CARNMT1: variants seen among roughly 807,000 people sequenced by gnomAD.
CARNMT1 encodes carnosine N-methyltransferase 1.
A neutral mutation model predicts 49.6 loss-of-function variants in CARNMT1; 28 were observed. The ratio of observed to expected loss-of-function variants is 0.56; its 90% CI spans 0.42 to 0.77. CARNMT1 has a LOEUF of 0.77. Among genes scored for constraint, CARNMT1 ranks in the 30% least tolerant of loss-of-function variants. CARNMT1 has a pLI of 0.00. For synonymous variants in CARNMT1, 178 were observed against 175.0 expected, an observed-to-expected ratio of 1.02 and a Z score of -0.13; for missense variants, 421 against 512.6, an observed-to-expected ratio of 0.82 and a Z score of 1.73.
At chr9:75,013,978 AG>A (rs1833772768) in intron 3 of CARNMT1, among the ~76,000 whole-genome samples, 1 of 148,882 alleles carries the variant, frequency 6.7e-6, no homozygotes. Flanking sequence ...GTCAAAAAAA[AG>A]AGAGAGAGAG....
chr9:74,988,091 T>C lies in CARNMT1; in HGVS notation c.1025-3081A>G, dbSNP rs1369581126. 1.3e-5 allele frequency among the ~76,000 whole-genome samples: 2 copies of C among 151,042 alleles called. 1 individual carries two copies. Among genetic ancestry groups the C allele is most frequent in the Admixed American group, 1.3e-4 (2 of 15,122 alleles). On this transcript the variant is annotated intron_variant, in intron 6 of 7. Coordinates refer to ENST00000376834, the MANE Select transcript of CARNMT1 (RefSeq NM_152420.3). ...CTTTTTTAATTTTTAATTATTTAAC[T>C]TTTTTTTTAGAGACAGTGTCTTGTT...
intron 6 of CARNMT1, among the ~76,000 whole-genome samples, chr9:74,993,542 GC>G (rs934758132): frequency 2.0e-5 from 3 of 152,086 alleles, no homozygotes; most frequent in African/African-American, 7.2e-5. Context: ...GAAGGCAGGG[GC>G]GTCCTTAAGG....
chr9:74,990,951 A>G (rs1004051160), intron 6 of CARNMT1, among the ~76,000 whole-genome samples: 6 of 152,210 alleles, frequency 3.9e-5, no homozygotes, highest in Admixed American at 1.3e-4. Flanking sequence ...AGACACACCT[A>G]AAACATAAAG....
chr9:75,027,244 A>C (rs1587318977), intron 1 of CARNMT1: 1 of 890,888 alleles, frequency 1.1e-6, no homozygotes, highest in Non-Finnish European at 1.6e-6. Context: ...GAAACGTGGA[A>C]GTTAGGGAGC....
chr9:75,007,512 T>C (rs1445770466), intron 3 of CARNMT1, among the ~76,000 whole-genome samples: 2 of 151,992 alleles, frequency 1.3e-5, no homozygotes, highest in African/African-American at 2.4e-5. Context: ...GTGGATCAAT[T>C]GAGGTCAAGA....
chr9:75,000,294 A>G (rs1833316099), intron 3 of CARNMT1, among the ~76,000 whole-genome samples: 1 of 152,160 alleles, frequency 6.6e-6, no homozygotes, highest in South Asian at 2.1e-4. Flanking sequence ...TTTATATGTA[A>G]CTCAATTGTT....
chr9:75,026,426 T>C (rs1462317741), intron 1 of CARNMT1, among the ~76,000 whole-genome samples: 3 of 152,244 alleles, frequency 2.0e-5, no homozygotes, highest in Admixed American at 6.5e-5. Flanking sequence ...ATATTCTTTC[T>C]AGATTTTTCA....
intron 3 of CARNMT1, chr9:75,009,834 A>C (rs1833630923): frequency 6.6e-6 from 1 of 152,218 alleles, no homozygotes. Context: ...GAAGCAAGAA[A>C]ATGTGGAACT....
chr9:75,005,675 G>C (rs942166498), intron 3 of CARNMT1, among the ~76,000 whole-genome samples: 7 of 151,616 alleles, frequency 4.6e-5, no homozygotes, highest in African/African-American at 1.2e-4. Context: ...GGGTTTCACC[G>C]TGTTAGCCAG....
chr9:75,008,666 T>G (rs1833593939), intron 3 of CARNMT1, among the ~76,000 whole-genome samples: 1 of 152,206 alleles, frequency 6.6e-6, no homozygotes, highest in African/African-American at 2.4e-5. Context: ...AAAACACTGC[T>G]GAGAGAAATT....
At chr9:75,005,530 T>C (rs1379332504) in intron 3 of CARNMT1, among the ~76,000 whole-genome samples, 2 of 150,470 alleles carry the variant, frequency 1.3e-5, no homozygotes, top group Non-Finnish European at 3.0e-5. Flanking sequence ...TGGAGTGCAG[T>C]GGCGCAATCT....
At chr9:74,990,202 C>G (rs1037777508) in intron 6 of CARNMT1, among the ~76,000 whole-genome samples, 1 of 152,164 alleles carries the variant, frequency 6.6e-6, no homozygotes, top group African/African-American at 2.4e-5. Context: ...AGAAGCCTAA[C>G]AAACTGTGCA....
chr9:74,993,652 C>T (rs904227857), intron 6 of CARNMT1, among the ~76,000 whole-genome samples: 2 of 152,064 alleles, frequency 1.3e-5, no homozygotes, highest in African/African-American at 4.8e-5. Context: ...CCCTCCACCC[C>T]CGGAGGGCAA....
rs1426613945 is a variant in CARNMT1, at chr9:75,013,192, C to T, written c.590+3076G>A. ...CATGCACGGAGACCTGAAAAATCAT[C>T]CTTACTGGGTATAATTTATTATGGT... On this transcript the variant is annotated intron_variant, in intron 3 of 7. Coordinates refer to ENST00000376834, the MANE Select transcript of CARNMT1 (RefSeq NM_152420.3). Among the ~76,000 whole-genome samples the T allele has an allele frequency of 2.6e-5, 4 of 152,190 alleles. No individual in the cohort carries two copies. The South Asian group carries it at 6.2e-4, about 24-fold the overall frequency.
At chr9:75,010,119 C>CTTTTTTTTTTTTTTTTTTT (rs1187457398) in intron 3 of CARNMT1, 1 of 82,300 alleles carries the variant, frequency 1.2e-5, no homozygotes. Flanking sequence ...GGAAGAAATT[C>CTTTTTTTTTTTTTTTTTTT]TTTTTTTTTT....
chr9:74,993,488 C>T (rs1793993263), intron 6 of CARNMT1, among the ~76,000 whole-genome samples: 2 of 152,036 alleles, frequency 1.3e-5, no homozygotes, highest in Non-Finnish European at 2.9e-5. Flanking sequence ...TTAGGAAGGT[C>T]ACTGATGATT....
At chr9:75,001,263 T>C (rs745926033) in intron 3 of CARNMT1, among the ~76,000 whole-genome samples, 1 of 152,136 alleles carries the variant, frequency 6.6e-6, no homozygotes, top group South Asian at 2.1e-4. Context: ...CAGTAAAATA[T>C]TACCATGCAG....
intron 3 of CARNMT1, among the ~76,000 whole-genome samples, chr9:75,011,360 C>CATTATTATTATTA (rs1466082167): frequency 6.6e-6 from 1 of 152,074 alleles, no homozygotes; most frequent in Non-Finnish European, 1.5e-5. Context: ...AGATGTCCCT[C>CATTATTATTATTA]CTGTGATTGT....
At chr9:75,009,007 G>A (rs1833602997) in intron 3 of CARNMT1, among the ~76,000 whole-genome samples, 1 of 150,476 alleles carries the variant, frequency 6.6e-6, no homozygotes, top group Non-Finnish European at 1.5e-5. Flanking sequence ...CACATACATG[G>A]TCCACTAATT....
Sources: allele counts gnomAD v4.1 joint callset (sites outside exome capture counted in the v4.1 genomes callset), GRCh38; gene constraint gnomAD v4.1.1; transcripts MANE v1.5; gene names NCBI Gene and HGNC (gene_info 2026-07-23, HGNC 2026-07-21).